The following SNTB1 variants were observed in gnomAD, a reference collection of about 807,000 sequenced individuals.
SNTB1 encodes the protein syntrophin beta 1.
SNTB1 carries 36 observed loss-of-function variants against 48.9 expected under a neutral mutation model. The ratio of observed to expected loss-of-function variants is 0.74; its 90% CI spans 0.56 to 0.97. SNTB1 has a LOEUF of 0.97. Ranked by LOEUF, SNTB1 falls within the 50% of genes least tolerant of loss-of-function variation. The pLI is 0.00. For missense variants in SNTB1, 786 were observed against 703.4 expected (o/e 1.12, Z -1.33); for synonymous variants, 299 against 294.6 (o/e 1.01, Z -0.15).
chr8:120,661,044 T>A (rs1817579769), intron 2 of SNTB1, among the ~76,000 whole-genome samples: 1 of 151,990 alleles, frequency 6.6e-6, no homozygotes, highest in African/African-American at 2.4e-5. Context: ...CGGTCACAGA[T>A]CACCATAATA....
At position 120,632,606 on chromosome 8, in the gene SNTB1, T is replaced by C; in HGVS notation, c.834A>G (p.Leu278=). Reference sequence around the variant, plus strand: ...GGGCCGTGGCTGAGTCCTTGCTCCTTAGGATCACCGTGTGCTTAGCATCTG... The same window carrying C: ...GGGCCGTGGCTGAGTCCTTGCTCCTCAGGATCACCGTGTGCTTAGCATCTG... ...HSPDAKHTVI[L]RSKDSATAQA... Residue 278 remains leucine, a synonymous_variant, in exon 3 of 7, where the codon CTA becomes CTG. Transcript: ENST00000517992. 1 of 1,614,082 alleles carries C rather than the reference T, an allele frequency of 6.2e-7. No individual in the cohort carries two copies. The highest frequency in any genetic ancestry group is 8.5e-7 in the Non-Finnish European group (1 of 1,180,010).
intron 2 of SNTB1, among the ~76,000 whole-genome samples, chr8:120,667,485 T>G (rs1587074793): frequency 6.6e-6 from 1 of 152,206 alleles, no homozygotes; most frequent in Non-Finnish European, 1.5e-5. Flanking sequence ...AGTCTTAGAC[T>G]AATATGCAAG....
In SNTB1 at chr8:120,555,398, TACTGC is replaced by T. The variant is rs572875108; in HGVS notation, c.1137-6445_1137-6441del. On this transcript the variant is annotated intron_variant, in intron 4 of 6. Transcript: ENST00000517992. Reference sequence around the variant, plus strand: ...GGTTCCATCAGGTATGACTTTTACATACTGCAGGGAAGGGCTGCTTGCCCTACCCT... The same window carrying T: ...GGTTCCATCAGGTATGACTTTTACATAGGGAAGGGCTGCTTGCCCTACCCT... 1.7e-3 allele frequency among the ~76,000 whole-genome samples: 257 copies of T among 152,310 alleles called. 1 individual carries two copies. Among genetic ancestry groups the T allele is most frequent in the African/African-American group, 6.0e-3 (250 of 41,556 alleles).
intron 2 of SNTB1, among the ~76,000 whole-genome samples, chr8:120,666,152 T>G (rs1033529975): frequency 6.6e-6 from 1 of 152,364 alleles, no homozygotes; most frequent in South Asian, 2.1e-4. Context: ...ATGAGGAAAG[T>G]GTTACCATCG....
intron 1 of SNTB1, among the ~76,000 whole-genome samples, chr8:120,717,206 C>G (rs747643247): frequency 6.6e-6 from 1 of 152,194 alleles, no homozygotes; most frequent in African/African-American, 2.4e-5. Flanking sequence ...CAGGCCACTA[C>G]GGACCTCACT....
intron 3 of SNTB1, among the ~76,000 whole-genome samples, chr8:120,597,991 CAA>C (rs1326340062): frequency 6.6e-6 from 1 of 152,182 alleles, no homozygotes; most frequent in African/African-American, 2.4e-5. Flanking sequence ...TTTCCAACTA[CAA>C]AAGTCTTCAT....
At chr8:120,755,659 A>AGTG (rs1819307098) in intron 1 of SNTB1, among the ~76,000 whole-genome samples, 1 of 152,158 alleles carries the variant, frequency 6.6e-6, no homozygotes, top group Non-Finnish European at 1.5e-5. Context: ...TAATAGTAGT[A>AGTG]GTGGTGGTGG....
At chr8:120,758,083 T>TAG (rs1222072905) in intron 1 of SNTB1, among the ~76,000 whole-genome samples, 1 of 152,192 alleles carries the variant, frequency 6.6e-6, no homozygotes, top group Non-Finnish European at 1.5e-5. Flanking sequence ...ATTGGGCACT[T>TAG]ACTATGTTCC....
chr8:120,535,912 T>G lies in SNTB1; in HGVS notation c.*2965A>C, dbSNP rs62526661. On this transcript the variant is annotated 3_prime_UTR_variant, in exon 7 of 7. Coordinates refer to ENST00000517992, the MANE Select transcript of SNTB1 (RefSeq NM_021021.4). Reference sequence around the variant, plus strand: ...CCTCAAGACGGAATATCTAACGTGTTTGGAAAACAGGGTCCAGAAAGGCCC... The same window carrying G: ...CCTCAAGACGGAATATCTAACGTGTGTGGAAAACAGGGTCCAGAAAGGCCC... 4 of 152,150 alleles carry G rather than the reference T, an allele frequency of 2.6e-5. No individual in the cohort carries two copies. Among genetic ancestry groups the G allele is most frequent in the African/African-American group, 4.8e-5 (2 of 41,442 alleles). The allele number at this position is 152,150 out of a possible 1,614,324, so 9.4% of individuals were successfully genotyped here. A position where few individuals can be genotyped will look rare whatever the true frequency, so the allele number is the denominator to read the frequency against.
At chr8:120,587,610 A>G (rs1020760101) in intron 3 of SNTB1, among the ~76,000 whole-genome samples, 1 of 152,230 alleles carries the variant, frequency 6.6e-6, no homozygotes, top group African/African-American at 2.4e-5. Flanking sequence ...ACACCTAGTC[A>G]ACTGTGCCTT....
chr8:120,777,813 G>T (rs1298323040), intron 1 of SNTB1, among the ~76,000 whole-genome samples: 1 of 152,176 alleles, frequency 6.6e-6, no homozygotes, highest in African/African-American at 2.4e-5. Context: ...AATGCCCTGG[G>T]TTATCCAGTC....
chr8:120,707,262 C>T (rs1045411227), intron 1 of SNTB1, among the ~76,000 whole-genome samples: 2 of 152,138 alleles, frequency 1.3e-5, no homozygotes, highest in Admixed American at 1.3e-4. Context: ...ACCTCCTCCC[C>T]CAAACATATG....
At chr8:120,580,165 C>T (rs1413244481) in intron 3 of SNTB1, among the ~76,000 whole-genome samples, 1 of 152,190 alleles carries the variant, frequency 6.6e-6, no homozygotes, top group African/African-American at 2.4e-5. Context: ...GCACTCTTTT[C>T]CTGAGGCAAA....
At chr8:120,715,434 A>G (rs1477055061) in intron 1 of SNTB1, among the ~76,000 whole-genome samples, 1 of 152,226 alleles carries the variant, frequency 6.6e-6, no homozygotes, top group Non-Finnish European at 1.5e-5. Flanking sequence ...CAGAGCCCAG[A>G]AAACGATAGC....
At chr8:120,770,417 T>C (rs564928051) in intron 1 of SNTB1, among the ~76,000 whole-genome samples, 16 of 151,072 alleles carry the variant, frequency 1.1e-4, no homozygotes, top group African/African-American at 3.7e-4. Flanking sequence ...TTTTTTTGCC[T>C]TATTTCAAGT....
intron 1 of SNTB1, among the ~76,000 whole-genome samples, chr8:120,760,258 T>C (rs1007667803): frequency 3.4e-5 from 5 of 145,476 alleles, no homozygotes; most frequent in African/African-American, 8.0e-5. Context: ...ATAAAGATCA[T>C]GGTATTTGTC....
intron 4 of SNTB1, among the ~76,000 whole-genome samples, chr8:120,572,776 G>A (rs968942483): frequency 6.9e-6 from 1 of 145,232 alleles, no homozygotes; most frequent in South Asian, 2.2e-4. Flanking sequence ...TTAGCCGGGC[G>A]TGGTGGTGGG....
At chr8:120,621,791 A>C (rs1387094529) in intron 3 of SNTB1, among the ~76,000 whole-genome samples, 1 of 151,628 alleles carries the variant, frequency 6.6e-6, no homozygotes, top group African/African-American at 2.4e-5. Context: ...CCCAGGTTTC[A>C]CTCTTTCATT....
intron 3 of SNTB1, among the ~76,000 whole-genome samples, chr8:120,607,958 T>A (rs1038146725): frequency 6.6e-6 from 1 of 152,186 alleles, no homozygotes; most frequent in Non-Finnish European, 1.5e-5. Flanking sequence ...GGATAAAAGG[T>A]CTCTGATCAT....
Sources: gnomAD v4.1 joint callset for allele counts (sites outside exome capture counted in the v4.1 genomes callset) on GRCh38, gnomAD v4.1.1 for gene constraint, MANE v1.5 for transcripts, NCBI Gene and HGNC (gene_info 2026-07-23, HGNC 2026-07-21) for gene names.